NRXN1: variants seen among roughly 807,000 people sequenced by gnomAD.
NRXN1 encodes neurexin 1.
In NRXN1, 39 loss-of-function variants were observed where a neutral mutation model predicts 150.9. That is an observed-to-expected ratio of 0.26 (90% CI 0.20 to 0.34). The LOEUF (loss-of-function observed/expected upper bound fraction) is 0.34, where lower values mean the gene tolerates loss of function less well. Among genes scored for constraint, NRXN1 ranks in the 10% least tolerant of loss-of-function variants. The pLI is 1.00. For synonymous variants in NRXN1, 924 were observed against 757.0 expected (o/e 1.22, Z -3.62); for missense variants, 1,815 against 1,949.9 (o/e 0.93, Z 1.30).
chr2:50,460,025 G>A (rs1237769231), intron 17 of NRXN1, among the ~76,000 whole-genome samples: 1 of 152,084 alleles, frequency 6.6e-6, no homozygotes, highest in Non-Finnish European at 1.5e-5. Context: ...TATTTGAATA[G>A]CATTTAGTGA....
intron 5 of NRXN1, among the ~76,000 whole-genome samples, chr2:50,763,622 A>G (rs564782499): frequency 2.6e-5 from 4 of 151,888 alleles, no homozygotes; most frequent in African/African-American, 9.7e-5. Context: ...TCTCCAGCCA[A>G]CTTGTGGAAG....
In NRXN1 at chr2:50,274,123, A is replaced by C. The variant is rs539383363; in HGVS notation, c.3365-37153T>G. On this transcript the variant is annotated intron_variant, in intron 17 of 22. Transcript: ENST00000401669. Reference sequence around the variant, plus strand: ...TTACAATAGCAAAGACTTGGCACCAACCGAAATGTCCATCAATGACAGACT... The same window carrying C: ...TTACAATAGCAAAGACTTGGCACCACCCGAAATGTCCATCAATGACAGACT... Among the ~76,000 whole-genome samples the C allele has an allele frequency of 5.3e-5, 8 of 152,274 alleles. No individual in the cohort carries two copies. The East Asian group carries it at 1.5e-3, about 29-fold the overall frequency.
chr2:50,222,862 T>C (rs2064009712), intron 18 of NRXN1, among the ~76,000 whole-genome samples: 1 of 151,982 alleles, frequency 6.6e-6, no homozygotes, highest in Non-Finnish European at 1.5e-5. Context: ...AAATTGAATG[T>C]ATATGCATAA....
At chr2:50,869,092 C>T (rs1677382972) in intron 5 of NRXN1, among the ~76,000 whole-genome samples, 1 of 151,714 alleles carries the variant, frequency 6.6e-6, no homozygotes, top group African/African-American at 2.4e-5. Context: ...TGTGTTTTCT[C>T]CCTTTTTTAA....
intron 5 of NRXN1, among the ~76,000 whole-genome samples, chr2:50,789,553 T>C (rs1705640833): frequency 1.3e-5 from 2 of 152,234 alleles, no homozygotes; most frequent in Admixed American, 1.3e-4. Context: ...AGTGTCTTTC[T>C]GAGACAGTGG....
intron 22 of NRXN1, among the ~76,000 whole-genome samples, chr2:49,932,297 T>A (rs1670266444): frequency 6.6e-6 from 1 of 152,084 alleles, no homozygotes; most frequent in Non-Finnish European, 1.5e-5. Context: ...GGCGCATGCC[T>A]GTAGTCTCAG....
intron 18 of NRXN1, among the ~76,000 whole-genome samples, chr2:50,217,773 C>G (rs1336957945): frequency 6.6e-6 from 1 of 152,062 alleles, no homozygotes; most frequent in Non-Finnish European, 1.5e-5. Flanking sequence ...CTTGAAGTCT[C>G]TCTGCAGTAT....
chr2:50,114,909 T>G (rs866564754), intron 18 of NRXN1, among the ~76,000 whole-genome samples: 25 of 151,908 alleles, frequency 1.6e-4, no homozygotes, highest in Non-Finnish European at 1.2e-4. Context: ...GGGCAATGAA[T>G]GTACTCCGTG....
At chr2:50,521,043 T>A (rs2092774390) in intron 12 of NRXN1, among the ~76,000 whole-genome samples, 1 of 152,144 alleles carries the variant, frequency 6.6e-6, no homozygotes, top group African/African-American at 2.4e-5. Context: ...ATTTTAGAAT[T>A]CTTTAAGTTG....
intron 18 of NRXN1, among the ~76,000 whole-genome samples, chr2:50,124,708 T>C (rs1704328549): frequency 6.6e-6 from 1 of 152,154 alleles, no homozygotes; most frequent in African/African-American, 2.4e-5. Context: ...TAGAATGCCT[T>C]AGAAGTAAAA....
intron 18 of NRXN1, among the ~76,000 whole-genome samples, chr2:50,165,358 CT>C (rs1016305339): frequency 4.4e-4 from 67 of 151,142 alleles, no homozygotes; most frequent in African/African-American, 1.5e-3. Context: ...ATTTTTTTTT[CT>C]TTTTCTTTAG....
At chr2:50,793,405 A>G (rs1039417449) in intron 5 of NRXN1, among the ~76,000 whole-genome samples, 3 of 152,108 alleles carry the variant, frequency 2.0e-5, no homozygotes, top group African/African-American at 7.2e-5. Flanking sequence ...TGGCTTTGCC[A>G]TCTTCATGTT....
rs1180409905 is a variant in NRXN1 at position 50,776,649 on chromosome 2, T to TAC, written c.832+145218_832+145219dup. Among the ~76,000 whole-genome samples the TAC allele has an allele frequency of 1.6e-3, 215 of 131,688 alleles. 1 individual carries two copies. Among genetic ancestry groups the TAC allele is most frequent in the Non-Finnish European group, 2.7e-3 (154 of 56,808 alleles). The allele number at this position is 131,688 out of a possible 152,430, so 86.4% of individuals were successfully genotyped here. A position where few individuals can be genotyped will look rare whatever the true frequency, so the allele number is the denominator to read the frequency against. On this transcript the variant is annotated intron_variant, in intron 5 of 22. Coordinates refer to ENST00000401669, the MANE Select transcript of NRXN1 (RefSeq NM_001330078.2). Reference sequence around the variant, plus strand: ...ATATAGTGAGATATATATATATATATACACATACACACACACACACACACA... The same window carrying TAC: ...ATATAGTGAGATATATATATATATATACACACATACACACACACACACACACA...
intron 5 of NRXN1, among the ~76,000 whole-genome samples, chr2:50,813,147 C>T (rs62140621): frequency 0.095 from 14,438 of 151,700 alleles, 787 homozygotes; most frequent in Admixed American, 0.14. Flanking sequence ...TGAGCCATCA[C>T]TGCCTCATTG....
chr2:50,533,108 T>A (rs1015010579), intron 10 of NRXN1, among the ~76,000 whole-genome samples: 2 of 152,182 alleles, frequency 1.3e-5, no homozygotes, highest in East Asian at 3.9e-4. Context: ...TTTGTTGTCA[T>A]GATGGGATTA....
At chr2:50,794,448 C>G (rs1706504502) in intron 5 of NRXN1, among the ~76,000 whole-genome samples, 6 of 152,082 alleles carry the variant, frequency 3.9e-5, no homozygotes. Context: ...ATCTCCCACT[C>G]AACACATTCA....
At chr2:50,970,631 G>C (rs1694851988) in intron 2 of NRXN1, among the ~76,000 whole-genome samples, 1 of 151,930 alleles carries the variant, frequency 6.6e-6, no homozygotes, top group South Asian at 2.1e-4. Context: ...TCACATTTTA[G>C]AGAAAAAATA....
chr2:50,883,901 T>C (rs764885794), intron 5 of NRXN1, among the ~76,000 whole-genome samples: 2 of 151,792 alleles, frequency 1.3e-5, no homozygotes, highest in Non-Finnish European at 2.9e-5. Context: ...AGAATGTTGA[T>C]TACTTTCAGG....
In NRXN1 at chr2:50,059,341, C is replaced by T. The variant is rs1224065165; in HGVS notation, c.3719-4297G>A. ...TCTGGTGAAAGAAACTTCTAAGCAG[C>T]AAAGTGTTCAAGACGTGACTTGTGT... On this transcript the variant is annotated intron_variant, in intron 19 of 22. Transcript: ENST00000401669. 3.9e-5 allele frequency among the ~76,000 whole-genome samples: 6 copies of T among 152,148 alleles called. No individual in the cohort carries two copies. In the East Asian group the frequency reaches 1.2e-3, roughly 29 times the overall value.
Sources: allele counts gnomAD v4.1 joint callset (sites outside exome capture counted in the v4.1 genomes callset), GRCh38; gene constraint gnomAD v4.1.1; transcripts MANE v1.5; gene names NCBI Gene and HGNC (gene_info 2026-07-23, HGNC 2026-07-21).